IMMP2L: variants seen among roughly 807,000 people sequenced by gnomAD.
IMMP2L encodes the protein inner mitochondrial membrane peptidase subunit 2.
Under a neutral mutation model 19.3 loss-of-function variants are expected in IMMP2L, and 18 were observed. The ratio of observed to expected loss-of-function variants is 0.93; its 90% confidence interval spans 0.64 to 1.38. IMMP2L has a LOEUF of 1.38. Among genes scored for constraint, IMMP2L ranks in the 40% most tolerant of loss-of-function variants. The pLI is 0.00. For synonymous variants in IMMP2L, 76 were observed against 73.0 expected (o/e 1.04, Z -0.21); for missense variants, 233 against 218.2 (o/e 1.07, Z -0.43).
chr7:111,326,724 T>C (rs1233380037), intron 3 of IMMP2L, among the ~76,000 whole-genome samples: 5 of 151,780 alleles, frequency 3.3e-5, no homozygotes, highest in African/African-American at 4.8e-5. Flanking sequence ...CTGGAAAAAC[T>C]GGAACCCTTA....
chr7:110,991,232 C>T (rs1463712003), intron 3 of IMMP2L, among the ~76,000 whole-genome samples: 1 of 152,020 alleles, frequency 6.6e-6, no homozygotes, highest in African/African-American at 2.4e-5. Flanking sequence ...CATGTCACTT[C>T]GTTTCTTGAG....
At chr7:111,222,924 C>T (rs938902520) in intron 3 of IMMP2L, among the ~76,000 whole-genome samples, 1 of 151,852 alleles carries the variant, frequency 6.6e-6, no homozygotes, top group Non-Finnish European at 1.5e-5. Context: ...AGAACCTACA[C>T]AGCCATCAAT....
At chr7:111,144,687 T>A (rs1467562638) in intron 3 of IMMP2L, among the ~76,000 whole-genome samples, 1 of 151,926 alleles carries the variant, frequency 6.6e-6, no homozygotes, top group Non-Finnish European at 1.5e-5. Context: ...AGACAAGAAA[T>A]AAGTGAATGG....
intron 3 of IMMP2L, among the ~76,000 whole-genome samples, chr7:111,307,345 G>C (rs1822991124): frequency 6.6e-6 from 1 of 151,620 alleles, no homozygotes; most frequent in South Asian, 2.1e-4. Flanking sequence ...TACCAATACT[G>C]TCGAGTCACT....
At chr7:110,809,328 A>G (rs1237329079) in intron 5 of IMMP2L, among the ~76,000 whole-genome samples, 1 of 152,076 alleles carries the variant, frequency 6.6e-6, no homozygotes, top group African/African-American at 2.4e-5. Context: ...TGCAGTAGTA[A>G]CAAAATACCT....
At chr7:110,751,234 G>T (rs151215310) in intron 5 of IMMP2L, among the ~76,000 whole-genome samples, 18 of 151,550 alleles carry the variant, frequency 1.2e-4, no homozygotes, top group African/African-American at 4.1e-4. Context: ...GAAAGACAGT[G>T]CATTAGTATT....
intron 3 of IMMP2L, among the ~76,000 whole-genome samples, chr7:111,408,467 ACACACAAACTCTAAGT>A (rs1191125233): frequency 2.0e-5 from 3 of 151,730 alleles, no homozygotes; most frequent in African/African-American, 7.3e-5. Flanking sequence ...GCATAAACAC[ACACACAAACTCTAAGT>A]CACACAATCT....
At chr7:111,501,144 G>A (rs982847163) in intron 2 of IMMP2L, among the ~76,000 whole-genome samples, 7 of 152,146 alleles carry the variant, frequency 4.6e-5, no homozygotes, top group African/African-American at 9.7e-5. Flanking sequence ...TGATGGAGCT[G>A]AAAGCCAAGG....
At chr7:111,177,477 G>T (rs1054328233) in intron 3 of IMMP2L, among the ~76,000 whole-genome samples, 1 of 151,912 alleles carries the variant, frequency 6.6e-6, no homozygotes, top group Non-Finnish European at 1.5e-5. Flanking sequence ...CATTGTGCCC[G>T]GGCTTCCCCA....
At chr7:111,519,418 A>G (rs1846151549) in intron 2 of IMMP2L, among the ~76,000 whole-genome samples, 1 of 152,140 alleles carries the variant, frequency 6.6e-6, no homozygotes, top group Non-Finnish European at 1.5e-5. Context: ...AAACTATACA[A>G]TATACCAAAC....
chr7:110,744,655 G>C (rs1797209506), intron 5 of IMMP2L, among the ~76,000 whole-genome samples: 1 of 152,230 alleles, frequency 6.6e-6, no homozygotes, highest in South Asian at 2.1e-4. Flanking sequence ...GCAGCAGAGA[G>C]GCCTGACTGT....
intron 3 of IMMP2L, among the ~76,000 whole-genome samples, chr7:110,971,812 C>T (rs1043088046): frequency 2.6e-5 from 4 of 151,986 alleles, no homozygotes; most frequent in Non-Finnish European, 5.9e-5. Flanking sequence ...GATTAATATG[C>T]TTTCTAGTGA....
intron 3 of IMMP2L, among the ~76,000 whole-genome samples, chr7:111,281,156 CAGAAAGAAAGAAAGAA>C (rs1157660179): frequency 0.11 from 7,627 of 67,306 alleles, 395 homozygotes; most frequent in Non-Finnish European, 0.13. Context: ...GACAGAAAGA[CAGAAAGAAAGAAAGAA>C]AGAAAGAAAG....
intron 3 of IMMP2L, among the ~76,000 whole-genome samples, chr7:111,177,593 G>A (rs749192628): frequency 2.6e-5 from 4 of 151,926 alleles, no homozygotes; most frequent in Non-Finnish European, 4.4e-5. Flanking sequence ...TGGAATAATA[G>A]AATATAAAAT....
chr7:110,918,568 G>A (rs2129550206), intron 4 of IMMP2L, among the ~76,000 whole-genome samples: 1 of 149,528 alleles, frequency 6.7e-6, no homozygotes, highest in African/African-American at 2.5e-5. Context: ...TGATTCTCCT[G>A]CCTCAGCCTC....
rs74909586 is a variant in IMMP2L at position 110,837,614 on chromosome 7, T to A, written c.408+48979A>T. ...TTGGTATAGAGAGAATGAATTACTA[T>A]TGCTGCCCGCCATCATTTAAAAAAA... On this transcript the variant is annotated intron_variant, in intron 5 of 5. Coordinates refer to ENST00000405709, the MANE Select transcript of IMMP2L (RefSeq NM_032549.4). Among the ~76,000 whole-genome samples, 501 of 152,188 alleles carry A rather than the reference T, an allele frequency of 3.3e-3. 3 individuals carry two copies. Among genetic ancestry groups the A allele is most frequent in the African/African-American group, 0.012 (479 of 41,546 alleles).
intron 3 of IMMP2L, among the ~76,000 whole-genome samples, chr7:111,470,503 GA>G: frequency 6.6e-6 from 1 of 151,934 alleles, no homozygotes; most frequent in Middle Eastern, 3.4e-3. Flanking sequence ...ACTAGATTAA[GA>G]AAATGTGGCA....
intron 3 of IMMP2L, among the ~76,000 whole-genome samples, chr7:111,172,474 T>G (rs898625995): frequency 3.3e-5 from 5 of 151,556 alleles, no homozygotes; most frequent in African/African-American, 1.2e-4. Context: ...ACCTCAAACA[T>G]TTACCATTTC....
chr7:110,806,792 T>A (rs549355558), intron 5 of IMMP2L, among the ~76,000 whole-genome samples: 3 of 151,904 alleles, frequency 2.0e-5, no homozygotes, highest in Non-Finnish European at 2.9e-5. Flanking sequence ...TCTGGCATAG[T>A]CAGAAAAGGT....
Sources: allele counts gnomAD v4.1 joint callset (sites outside exome capture counted in the v4.1 genomes callset), GRCh38; gene constraint gnomAD v4.1.1; transcripts MANE v1.5; gene names NCBI Gene and HGNC (gene_info 2026-07-23, HGNC 2026-07-21).